The following EFNA5 variants were observed in gnomAD, a reference collection of about 807,000 sequenced individuals.
The protein encoded by EFNA5 is ephrin-A5.
In EFNA5, 5 loss-of-function variants were observed where a neutral mutation model predicts 22.9. The observed-to-expected ratio is 0.22, with a 90% CI of 0.11 to 0.46. EFNA5 has a LOEUF of 0.46. Ranked by LOEUF, EFNA5 falls within the 20% of genes least tolerant of loss-of-function variation. The pLI is 0.99. For missense variants in EFNA5, 237 were observed against 293.3 expected, an observed-to-expected ratio of 0.81 and a Z score of 1.40; for synonymous variants, 113 against 112.2, an observed-to-expected ratio of 1.01 and a Z score of -0.04.
intron 1 of EFNA5, among the ~76,000 whole-genome samples, chr5:107,556,318 G>T (rs1416702165): frequency 2.0e-5 from 3 of 152,294 alleles, no homozygotes; most frequent in South Asian, 2.1e-4. Flanking sequence ...ATCTGCACAA[G>T]AGTCCTATTA....
intron 1 of EFNA5, among the ~76,000 whole-genome samples, chr5:107,520,354 G>T (rs181863733): frequency 7.0e-4 from 107 of 152,232 alleles, no homozygotes; most frequent in African/African-American, 2.5e-3. Flanking sequence ...TCTTAAGAAA[G>T]AATTCAAGAA....
At chr5:107,471,706 T>C (rs758479359) in intron 1 of EFNA5, among the ~76,000 whole-genome samples, 6 of 152,226 alleles carry the variant, frequency 3.9e-5, no homozygotes, top group Non-Finnish European at 5.9e-5. Context: ...TGTTGCTTAG[T>C]GATGGCTGGA....
intron 1 of EFNA5, among the ~76,000 whole-genome samples, chr5:107,470,208 T>C (rs980103065): frequency 5.9e-5 from 9 of 152,216 alleles, no homozygotes; most frequent in African/African-American, 1.9e-4. Flanking sequence ...CATCTGCTTT[T>C]AGTCCCAAAA....
chr5:107,489,461 G>T (rs906226950), intron 1 of EFNA5, among the ~76,000 whole-genome samples: 2 of 152,146 alleles, frequency 1.3e-5, no homozygotes, highest in East Asian at 3.9e-4. Flanking sequence ...ATGAACCACC[G>T]TGCCCGTCCT....
chr5:107,593,538 G>C (rs910277504), intron 1 of EFNA5, among the ~76,000 whole-genome samples: 4 of 152,224 alleles, frequency 2.6e-5, no homozygotes, highest in African/African-American at 9.6e-5. Context: ...GGGGCTCCAC[G>C]CTGGCTGCAC....
intron 2 of EFNA5, among the ~76,000 whole-genome samples, chr5:107,405,071 C>A (rs1748173137): frequency 6.6e-6 from 1 of 152,142 alleles, no homozygotes; most frequent in Admixed American, 6.5e-5. Context: ...CAGGAGGAAA[C>A]AGGAAACAAA....
chr5:107,535,340 C>G (rs1312946284), intron 1 of EFNA5, among the ~76,000 whole-genome samples: 3 of 152,098 alleles, frequency 2.0e-5, no homozygotes, highest in Non-Finnish European at 4.4e-5. Flanking sequence ...AGGCAATTTG[C>G]CAGTAGTAGC....
chr5:107,450,919 T>G (rs932499635), intron 1 of EFNA5, among the ~76,000 whole-genome samples: 6 of 152,256 alleles, frequency 3.9e-5, no homozygotes, highest in African/African-American at 1.4e-4. Context: ...TTTCATCGTC[T>G]TTAGACAACT....
chr5:107,599,196 T>C (rs1308902492), intron 1 of EFNA5, among the ~76,000 whole-genome samples: 1 of 152,202 alleles, frequency 6.6e-6, no homozygotes, highest in African/African-American at 2.4e-5. Flanking sequence ...TACAGCAAAA[T>C]ACTGCAAACG....
intron 1 of EFNA5, among the ~76,000 whole-genome samples, chr5:107,539,354 G>A (rs929212559): frequency 3.3e-5 from 5 of 152,190 alleles, no homozygotes; most frequent in Non-Finnish European, 7.3e-5. Context: ...TACTAGCTGT[G>A]GCATGGCTGT....
intron 1 of EFNA5, among the ~76,000 whole-genome samples, chr5:107,604,721 T>C (rs1046008852): frequency 1.2e-4 from 19 of 152,132 alleles, no homozygotes; most frequent in African/African-American, 4.6e-4. Context: ...CGTATTAAAA[T>C]AGAGGCAGAA....
chr5:107,382,451 T>C (rs1747494545), intron 4 of EFNA5, among the ~76,000 whole-genome samples: 1 of 152,180 alleles, frequency 6.6e-6, no homozygotes, highest in African/African-American at 2.4e-5. Context: ...TAGCTCACTA[T>C]AGTCTTGACC....
chr5:107,605,189 G>A (rs1358607895), intron 1 of EFNA5, among the ~76,000 whole-genome samples: 1 of 151,980 alleles, frequency 6.6e-6, no homozygotes, highest in African/African-American at 2.4e-5. Context: ...GCAGCTGTTA[G>A]GATGTGGTTT....
chr5:107,467,097 C>T (rs905928882), intron 1 of EFNA5, among the ~76,000 whole-genome samples: 5 of 151,906 alleles, frequency 3.3e-5, no homozygotes, highest in African/African-American at 7.3e-5. Flanking sequence ...TGAACAAAAT[C>T]GAAATAAAAA....
chr5:107,446,417 T>G (rs1749397370), intron 1 of EFNA5, among the ~76,000 whole-genome samples: 1 of 152,018 alleles, frequency 6.6e-6, no homozygotes, highest in Admixed American at 6.6e-5. Flanking sequence ...GTAGGTAGAG[T>G]GTAATTTTTG....
At chr5:107,663,265 C>T (rs1254481610) in intron 1 of EFNA5, among the ~76,000 whole-genome samples, 1 of 152,032 alleles carries the variant, frequency 6.6e-6, no homozygotes, top group East Asian at 1.9e-4. Context: ...AAAAAACAAG[C>T]TTTTCTAAAT....
intron 1 of EFNA5, among the ~76,000 whole-genome samples, chr5:107,616,860 G>T (rs936098268): frequency 6.6e-6 from 1 of 152,078 alleles, no homozygotes; most frequent in Non-Finnish European, 1.5e-5. Flanking sequence ...ATATTAATTT[G>T]AATGAGTTCA....
intron 4 of EFNA5, among the ~76,000 whole-genome samples, chr5:107,383,384 C>T (rs187300557): frequency 1.3e-5 from 2 of 152,282 alleles, no homozygotes; most frequent in Admixed American, 1.3e-4. Flanking sequence ...TTCAGCCTTG[C>T]AAGTGTATTA....
chr5:107,471,294 C>A (rs995589886), intron 1 of EFNA5, among the ~76,000 whole-genome samples: 1 of 152,246 alleles, frequency 6.6e-6, no homozygotes, highest in Middle Eastern at 3.4e-3. Context: ...TTGATTCCCC[C>A]TTTTTGCCTC....
Sources: gnomAD v4.1 joint callset for allele counts (sites outside exome capture counted in the v4.1 genomes callset) on GRCh38, gnomAD v4.1.1 for gene constraint, MANE v1.5 for transcripts, NCBI Gene and HGNC (gene_info 2026-07-23, HGNC 2026-07-21) for gene names.